CLNK: variants seen among roughly 807,000 people sequenced by gnomAD.
CLNK encodes cytokine-dependent hematopoietic cell linker.
In CLNK, 74 loss-of-function variants were observed where a neutral mutation model predicts 68.6. The ratio of observed to expected loss-of-function variants is 1.08; its 90% CI spans 0.89 to 1.31. The LOEUF is 1.31. Among genes scored for constraint, CLNK ranks in the 50% most tolerant of loss-of-function variants. The pLI is 0.00. For missense variants in CLNK, 553 were observed against 515.3 expected, an observed-to-expected ratio of 1.07 and a Z score of -0.71; for synonymous variants, 198 against 172.2, an observed-to-expected ratio of 1.15 and a Z score of -1.17.
At chr4:10,642,744 G>T (rs1198003043) in intron 2 of CLNK, among the ~76,000 whole-genome samples, 1 of 152,204 alleles carries the variant, frequency 6.6e-6, no homozygotes, top group African/African-American at 2.4e-5. Context: ...TAGCTGGGTA[G>T]CTGGGAAAGT....
chr4:10,596,064 T>A (rs1283836042), intron 3 of CLNK, among the ~76,000 whole-genome samples: 1 of 152,232 alleles, frequency 6.6e-6, no homozygotes, highest in Non-Finnish European at 1.5e-5. Flanking sequence ...TCGCTCTTGT[T>A]GCCCAGGCTG....
At chr4:10,627,462 T>C (rs2531204) in intron 2 of CLNK, among the ~76,000 whole-genome samples, 146,019 of 152,266 alleles carry the variant, frequency 0.96, 70,220 homozygotes, top group East Asian at 1. Context: ...TTAATATCAT[T>C]GGCATTGGTT....
the CLNK span, among the ~76,000 whole-genome samples, chr4:10,729,630 A>T: frequency 6.6e-6 from 1 of 152,234 alleles, no homozygotes; most frequent in Non-Finnish European, 1.5e-5. Context: ...TTTTGAAGCA[A>T]CACTGATGAA....
At chr4:10,572,940 T>C (rs1720406404) in intron 4 of CLNK, among the ~76,000 whole-genome samples, 1 of 152,190 alleles carries the variant, frequency 6.6e-6, no homozygotes, top group South Asian at 2.1e-4. Context: ...GCGATTCTCG[T>C]GCCTCAGCCT....
chr4:10,589,911 G>A (rs1721123582), intron 3 of CLNK, among the ~76,000 whole-genome samples: 3 of 152,182 alleles, frequency 2.0e-5, no homozygotes, highest in Admixed American at 2.0e-4. Flanking sequence ...GATGCACCCT[G>A]GCTGCCTTTT....
chr4:10,678,111 A>G (rs1483359477), intron 1 of CLNK, among the ~76,000 whole-genome samples: 8 of 152,180 alleles, frequency 5.3e-5, no homozygotes, highest in Non-Finnish European at 1.5e-5. Flanking sequence ...CCCCTTGCAT[A>G]ATTAACTATT....
At chr4:10,560,268 A>G (rs372243238) in intron 7 of CLNK, among the ~76,000 whole-genome samples, 5 of 152,122 alleles carry the variant, frequency 3.3e-5, no homozygotes, top group South Asian at 2.1e-4. Context: ...TTCAACCCCT[A>G]TTGCTAAGCA....
At chr4:10,699,343 TAC>T in the CLNK span, among the ~76,000 whole-genome samples, 5 of 29,924 alleles carry the variant, frequency 1.7e-4, no homozygotes, top group African/African-American at 3.1e-4. Flanking sequence ...CGTGTGTGTA[TAC>T]ACACACACAC....
chr4:10,619,574 T>A (rs1722352926), intron 2 of CLNK, among the ~76,000 whole-genome samples: 1 of 151,988 alleles, frequency 6.6e-6, no homozygotes, highest in African/African-American at 2.4e-5. Flanking sequence ...CATAGGTGTG[T>A]TTGTGTGTGC....
chr4:10,664,518 C>T lies in CLNK; in HGVS notation c.11+3341G>A, dbSNP rs370801317. Among the ~76,000 whole-genome samples, 23 of 152,210 alleles carry T rather than the reference C, an allele frequency of 1.5e-4. No individual in the cohort carries two copies. In the South Asian group the frequency reaches 3.9e-3, roughly 26 times the overall value. ...GCTCCTTCTCTGAGTCATGCCTTGG[C>T]GACTGCTGTGGATAAGTTCTCAAGT... On this transcript the variant is annotated intron_variant, in intron 2 of 18. Transcript: ENST00000226951.
chr4:10,605,432 G>T (rs1721751070), intron 2 of CLNK, among the ~76,000 whole-genome samples: 1 of 152,062 alleles, frequency 6.6e-6, no homozygotes. Flanking sequence ...GCATGTTACT[G>T]TAATGAATAC....
chr4:10,626,820 G>A (rs981089509), intron 2 of CLNK, among the ~76,000 whole-genome samples: 6 of 152,188 alleles, frequency 3.9e-5, no homozygotes, highest in Non-Finnish European at 7.3e-5. Context: ...CTGACATGGA[G>A]TGTCATGCCA....
intron 8 of CLNK, among the ~76,000 whole-genome samples, chr4:10,551,419 GTA>G (rs201585969): frequency 2.3e-5 from 3 of 127,836 alleles, no homozygotes; most frequent in African/African-American, 7.7e-5. Flanking sequence ...TAATTTTTTT[GTA>G]TATATATATA....
intron 15 of CLNK, among the ~76,000 whole-genome samples, chr4:10,513,832 A>ATT (rs1553845611): frequency 1.1e-4 from 16 of 145,614 alleles, no homozygotes; most frequent in South Asian, 2.2e-4. Flanking sequence ...TTTTTTTTTA[A>ATT]ATTATTATTA....
chr4:10,519,439 T>A (rs1050619320), intron 15 of CLNK, among the ~76,000 whole-genome samples: 67 of 152,358 alleles, frequency 4.4e-4, no homozygotes, highest in African/African-American at 1.5e-3. Context: ...GCCCCTGGAC[T>A]TTCCTCCTGG....
At chr4:10,613,503 C>T (rs1041209798) in intron 2 of CLNK, among the ~76,000 whole-genome samples, 1 of 152,152 alleles carries the variant, frequency 6.6e-6, no homozygotes, top group Non-Finnish European at 1.5e-5. Context: ...TGTGACAATA[C>T]CCTGTCTGTA....
rs1476481676 is a variant in CLNK, at chr4:10,673,241, T to C, written c.-42-5330A>G. ...TCCAGATCCTAGGAATTAGAGAGCA[T>C]AGAGCATAAGGTATTATGGGAACAC... is the stretch of plus-strand genomic sequence containing the variant. On this transcript the variant is annotated intron_variant, in intron 1 of 18. Coordinates refer to ENST00000226951, the MANE Select transcript of CLNK (RefSeq NM_052964.4). Among the ~76,000 whole-genome samples, 3 of 152,072 alleles carry C rather than the reference T, an allele frequency of 2.0e-5. No individual in the cohort carries two copies. The East Asian group carries it at 5.8e-4, about 29-fold the overall frequency.
intron 1 of CLNK, among the ~76,000 whole-genome samples, chr4:10,680,002 C>T: frequency 6.6e-6 from 1 of 152,090 alleles, no homozygotes; most frequent in Non-Finnish European, 1.5e-5. Flanking sequence ...TTTGACCCAG[C>T]CATCTCATTA....
At chr4:10,534,454 C>T (rs1007405677) in intron 11 of CLNK, among the ~76,000 whole-genome samples, 1 of 151,924 alleles carries the variant, frequency 6.6e-6, no homozygotes, top group Non-Finnish European at 1.5e-5. Flanking sequence ...CCAGGAATGC[C>T]TTAGTTTTTG....
Sources: allele counts gnomAD v4.1 joint callset (sites outside exome capture counted in the v4.1 genomes callset), GRCh38; gene constraint gnomAD v4.1.1; transcripts MANE v1.5; gene names NCBI Gene and HGNC (gene_info 2026-07-23, HGNC 2026-07-21).